MLXIP: variants seen among roughly 807,000 people sequenced by gnomAD.
The protein encoded by MLXIP is MLX-interacting protein.
In MLXIP, 30 loss-of-function variants were observed where a neutral mutation model predicts 87.2. The ratio of observed to expected loss-of-function variants is 0.34; its 90% CI spans 0.26 to 0.47. MLXIP has a LOEUF of 0.47. Ranked by LOEUF, MLXIP falls within the 20% of genes least tolerant of loss-of-function variation. The pLI is 1.00. For missense variants in MLXIP, 1,002 were observed against 1,240.1 expected (o/e 0.81, Z 2.88); for synonymous variants, 530 against 514.0 (o/e 1.03, Z -0.42).
At chr12:122,097,693 CA>C (rs1318285658) in intron 1 of MLXIP, among the ~76,000 whole-genome samples, 2 of 152,090 alleles carry the variant, frequency 1.3e-5, no homozygotes, top group Non-Finnish European at 2.9e-5. Context: ...CACTGCCCAC[CA>C]TCCCCCTGCT....
At position 122,129,587 on chromosome 12, in the gene MLXIP, G is replaced by A. The variant is rs751897709; in HGVS notation, c.697-1G>A. ...GCCGTGTCCTGTCCCTTTGCCCACA[G>A]CTACAGCAGCACAAGGATGAGGACC... On this transcript the variant is annotated splice_acceptor_variant, in intron 4 of 16. Transcript: ENST00000319080. LOFTEE classifies it high-confidence loss of function. The A allele has an allele frequency of 6.2e-7, 1 of 1,613,620 alleles. No homozygotes were observed. Among genetic ancestry groups the A allele is most frequent in the South Asian group, 1.1e-5 (1 of 90,996 alleles).
intron 5 of MLXIP, 43 bp from the exon 6 acceptor site, chr12:122,129,898 G>GT (rs1952945512): frequency 6.3e-7 from 1 of 1,580,650 alleles, no homozygotes; most frequent in South Asian, 1.2e-5. Flanking sequence ...TCGTCCCACT[G>GT]TTACTCTTTG....
rs191118613 is a variant in MLXIP, at chr12:122,134,837, G to A, written c.1733-387G>A. 2.4e-3 allele frequency: 632 copies of A among 268,254 alleles called. 5 individuals are homozygous for A. Among genetic ancestry groups the A allele is most frequent in the Non-Finnish European group, 2.3e-3 (317 of 136,998 alleles). The allele number at this position is 268,254 out of a possible 1,614,324, so 16.6% of individuals were successfully genotyped here. ...TTACAGGCATGTGCCACCACACCTG[G>A]CTAATTTTGTATCTTCAGTAGAGAT... is the stretch of plus-strand genomic sequence containing the variant. On this transcript the variant is annotated intron_variant, in intron 9 of 16. Coordinates refer to ENST00000319080, the MANE Select transcript of MLXIP (RefSeq NM_014938.6).
chr12:122,088,401 G>A (rs1952198903), intron 1 of MLXIP, among the ~76,000 whole-genome samples: 3 of 152,182 alleles, frequency 2.0e-5, no homozygotes, highest in Admixed American at 2.0e-4. Flanking sequence ...CTTCTAGAAG[G>A]AGGCAGTAGA....
rs777069112 is a variant in MLXIP at position 122,130,926 on chromosome 12, T to G, written c.993T>G (p.Pro331=). ...TGGACTTCATGGACACCTTTGAGCC[T>G]TTCCAGGGTGAGGACCAGAGGCAGA... ...PNLDFMDTFE[P]FQDLFSSSRS... The change falls in exon 7 of 17, where the codon CCT becomes CCG. Residue 331 remains proline, a synonymous_variant. Coordinates refer to ENST00000319080, the MANE Select transcript of MLXIP (RefSeq NM_014938.6). 1 of 1,612,126 alleles carries G rather than the reference T, an allele frequency of 6.2e-7. No homozygotes were observed. Among genetic ancestry groups the G allele is most frequent in the African/African-American group, 1.3e-5 (1 of 74,882 alleles).
intron 1 of MLXIP, among the ~76,000 whole-genome samples, chr12:122,096,756 C>A (rs1422746146): frequency 1.3e-5 from 2 of 151,728 alleles, no homozygotes; most frequent in African/African-American, 4.8e-5. Flanking sequence ...TGCTGACAGA[C>A]CCCCGAGGCT....
intron 1 of MLXIP, among the ~76,000 whole-genome samples, chr12:122,079,748 C>T (rs1272636837): frequency 1.3e-5 from 2 of 152,222 alleles, no homozygotes; most frequent in Non-Finnish European, 2.9e-5. Flanking sequence ...GTAGTGTCTG[C>T]CTCCAAGGGG....
rs576921713 is a variant in MLXIP at position 122,147,081 on chromosome 12, A to G, written c.*5269A>G. ...TTTTCAGGTTCAGTTTGTTGTGTAAATGGCGGTTTTTTCTGGTGTGAGCTT... is the reference window on the plus strand; with the variant it reads ...TTTTCAGGTTCAGTTTGTTGTGTAAGTGGCGGTTTTTTCTGGTGTGAGCTT... On this transcript the variant is annotated 3_prime_UTR_variant, in exon 17 of 17. Transcript: ENST00000319080. 2 of 152,304 alleles carry G rather than the reference A, an allele frequency of 1.3e-5. No individual in the cohort carries two copies. The highest frequency in any genetic ancestry group is 2.1e-4 in the South Asian group (1 of 4,814). 9.4% of individuals were successfully genotyped at this position (152,304 alleles called of 1,614,324 possible).
chr12:122,097,846 T>TCCC (rs571780667), intron 1 of MLXIP, among the ~76,000 whole-genome samples: 76 of 150,268 alleles, frequency 5.1e-4, no homozygotes, highest in South Asian at 2.5e-3. Flanking sequence ...ATCCATGGGT[T>TCCC]CCCCCTCCCC....
chr12:122,145,254 TGCTGCGCATGGTCCCGGA>T lies in MLXIP; in HGVS notation c.*3447_*3464del, dbSNP rs1416211854. ...GCTGGAAAGCAGCAGACCCCCCCAGTGCTGCGCATGGTCCCGGAGCTGTCAGCCAGGGGAGTGGGGTCA... is the reference window on the plus strand; with the variant it reads ...GCTGGAAAGCAGCAGACCCCCCCAGTGCTGTCAGCCAGGGGAGTGGGGTCA... On this transcript the variant is annotated 3_prime_UTR_variant, in exon 17 of 17. Coordinates refer to ENST00000319080, the MANE Select transcript of MLXIP (RefSeq NM_014938.6). 2 of 152,318 alleles carry T rather than the reference TGCTGCGCATGGTCCCGGA, an allele frequency of 1.3e-5. No individual in the cohort carries two copies. Among genetic ancestry groups the T allele is most frequent in the Admixed American group, 1.3e-4 (2 of 15,288 alleles). The allele number at this position is 152,318 out of a possible 1,614,324, so 9.4% of individuals were successfully genotyped here.
intron 1 of MLXIP, among the ~76,000 whole-genome samples, chr12:122,080,129 C>T (rs1204289509): frequency 6.6e-6 from 1 of 152,218 alleles, no homozygotes; most frequent in Non-Finnish European, 1.5e-5. Flanking sequence ...TTCACTCTCT[C>T]TCCCTTTCCC....
At chr12:122,105,355 T>C (rs971257155) in intron 1 of MLXIP, among the ~76,000 whole-genome samples, 10 of 151,340 alleles carry the variant, frequency 6.6e-5, no homozygotes, top group Non-Finnish European at 1.2e-4. Flanking sequence ...TTTCACGGGT[T>C]TTTTTTTTGG....
Position 122,137,270 on chromosome 12 carries a change from T to G in MLXIP, c.2033-199T>G. 2 of 509,932 alleles carry G rather than the reference T, an allele frequency of 3.9e-6. No homozygotes were observed. The highest frequency in any genetic ancestry group is 6.6e-6 in the Non-Finnish European group (2 of 302,370). 31.6% of individuals were successfully genotyped at this position (509,932 alleles called of 1,614,324 possible). ...CGTGTTCTGTGTGGATTAAGGGTGT[T>G]TTTGTTGTTGTTATTAATTTAAGAT... is the stretch of plus-strand genomic sequence containing the variant. On this transcript the variant is annotated intron_variant, in intron 11 of 16. Coordinates refer to ENST00000319080, the MANE Select transcript of MLXIP (RefSeq NM_014938.6). The surrounding 1 kb of genome is among the most constrained non-coding windows in gnomAD (Gnocchi z 4.1).
chr12:122,111,659 G>A (rs1039845563), intron 1 of MLXIP, among the ~76,000 whole-genome samples: 4 of 152,130 alleles, frequency 2.6e-5, no homozygotes, highest in African/African-American at 7.2e-5. Flanking sequence ...TAGTGCTTGT[G>A]TTTGAGTGGT....
chr12:122,132,315 A>T lies in MLXIP; in HGVS notation c.1024A>T (p.Ile342Phe). ...AGACCTCTTCTCTTCTAGCCGCTCC[A>T]TTTTTGGCTCCATGCTACCTGCATC... ...FQDLFSSSRS[I>F]FGSMLPASAS... is the part of the protein sequence containing the mutation. Residue 342 changes from isoleucine (I) to phenylalanine (F), a missense_variant, in exon 8 of 17, where the codon ATT becomes TTT. By Grantham distance (21) the Ile-to-Phe change is conservative. This residue lies in a region of MLXIP where 746 missense variants were observed against 897.0 expected (regional missense o/e 0.83). Coordinates refer to ENST00000319080, the MANE Select transcript of MLXIP (RefSeq NM_014938.6). 6.2e-7 allele frequency: 1 copy of T among 1,612,894 alleles called. No homozygotes were observed. Among genetic ancestry groups the T allele is most frequent in the Non-Finnish European group, 8.5e-7 (1 of 1,179,474 alleles).
rs770166667 is a variant in MLXIP, at chr12:122,132,256, C to T, written c.1001-36C>T. 6.6e-6 allele frequency: 10 copies of T among 1,510,904 alleles called. No homozygotes were observed. The Admixed American group carries it at 1.8e-4, about 28-fold the overall frequency. 93.6% of individuals were successfully genotyped at this position (1,510,904 alleles called of 1,614,324 possible). A position where few individuals can be genotyped will look rare whatever the true frequency, so the allele number is the denominator to read the frequency against. On this transcript the variant is annotated intron_variant, in intron 7 of 16. Coordinates refer to ENST00000319080, the MANE Select transcript of MLXIP (RefSeq NM_014938.6). ...TCTTGATTCCAGCAAATGCTGGGCA[C>T]ACTGAGCTCAGAAGACCCCTGCTGT...
rs1037235539 is a variant in MLXIP, at chr12:122,135,826, G to A, written c.2032+160G>A. On this transcript the variant is annotated intron_variant, in intron 11 of 16. Transcript: ENST00000319080. This position sits in a 1 kb window ranked among gnomAD's most constrained non-coding sequence, Gnocchi z 5.3. Reference sequence around the variant, plus strand: ...TGCTGATAACACAGTCTGGGAACACGCTCTGTGGGTGGCAGGATGAAATGT... The same window carrying A: ...TGCTGATAACACAGTCTGGGAACACACTCTGTGGGTGGCAGGATGAAATGT... The A allele has an allele frequency of 2.3e-6, 2 of 875,564 alleles. No individual in the cohort carries two copies. The allele number at this position is 875,564 out of a possible 1,614,324, so 54.2% of individuals were successfully genotyped here.
At chr12:122,092,435 A>G (rs1459752673) in intron 1 of MLXIP, among the ~76,000 whole-genome samples, 1 of 151,976 alleles carries the variant, frequency 6.6e-6, no homozygotes, top group African/African-American at 2.4e-5. Context: ...CACTACGTCT[A>G]CCTTCTTGGC....
intron 1 of MLXIP, among the ~76,000 whole-genome samples, chr12:122,093,554 C>T (rs1295616245): frequency 6.0e-5 from 6 of 100,534 alleles, no homozygotes; most frequent in Admixed American, 4.1e-4. Context: ...GGTGTGTTTG[C>T]GGTGCCTGTG....
Sources: gnomAD v4.1 joint callset for allele counts (sites outside exome capture counted in the v4.1 genomes callset) on GRCh38, gnomAD v4.1.1 for gene constraint, gnomAD v4.1.1 regional missense constraint, Gnocchi (gnomAD v3.1) non-coding constraint, MANE v1.5 for transcripts, NCBI Gene and HGNC (gene_info 2026-07-23, HGNC 2026-07-21) for gene names.